Variants in TRAF5 observed in about 807,000 individuals in gnomAD.
TRAF5 encodes TNF receptor associated factor 5.
TRAF5 carries 48 observed loss-of-function variants against 64.5 expected under a neutral mutation model. That is an observed-to-expected ratio of 0.74 (90% CI 0.59 to 0.95). The LOEUF is 0.95. Among genes scored for constraint, TRAF5 ranks in the 40% least tolerant of loss-of-function variants. The probability of loss-of-function intolerance (pLI) is 0.00; values close to 1 mark genes in which losing one functional copy is unlikely to be tolerated. For missense variants in TRAF5, 545 were observed against 662.8 expected (o/e 0.82, Z 1.95); for synonymous variants, 206 against 240.5 (o/e 0.86, Z 1.33).
At chr1:211,346,451 CT>C (rs1225251593) in intron 1 of TRAF5, 10 of 985,036 alleles carry the variant, frequency 1.0e-5, no homozygotes, top group Non-Finnish European at 1.2e-5. Context: ...ACAGAGGTCT[CT>C]GGTCCTGTGC....
At chr1:211,348,012 T>C (rs923710791) in intron 1 of TRAF5, among the ~76,000 whole-genome samples, 3 of 152,218 alleles carry the variant, frequency 2.0e-5, no homozygotes, top group Non-Finnish European at 4.4e-5. Context: ...ACAGCACTGC[T>C]TGGGGCTCCC....
At chr1:211,370,661 A>G (rs1374608537) in intron 9 of TRAF5, among the ~76,000 whole-genome samples, 3 of 152,234 alleles carry the variant, frequency 2.0e-5, no homozygotes, top group African/African-American at 7.2e-5. Flanking sequence ...TTGGGCAGTC[A>G]TCTAACACAA....
intron 1 of TRAF5, among the ~76,000 whole-genome samples, chr1:211,340,354 G>A (rs1049671681): frequency 2.0e-5 from 3 of 152,124 alleles, no homozygotes; most frequent in Admixed American, 6.5e-5. Context: ...GCACAATCCC[G>A]GCTCACTGCA....
At chr1:211,352,441 T>TAA (rs35728825) in intron 1 of TRAF5, among the ~76,000 whole-genome samples, 1,666 of 75,962 alleles carry the variant, frequency 0.022, 25 homozygotes, top group Middle Eastern at 0.037. Flanking sequence ...TCACTGTCTC[T>TAA]AAAAAAAAAA....
chr1:211,354,502 A>C, intron 3 of TRAF5, 35 bp downstream of exon 3: 4 of 1,603,926 alleles, frequency 2.5e-6, no homozygotes, highest in Non-Finnish European at 3.4e-6. Flanking sequence ...AGCAGCTCTC[A>C]GGGTGATGGA....
intron 4 of TRAF5, 179 bp from the exon 5 acceptor site, chr1:211,359,733 C>G: frequency 1.7e-6 from 1 of 600,188 alleles, no homozygotes; most frequent in Non-Finnish European, 2.8e-6. Context: ...TCCCCATGCC[C>G]TCTCCTCAGC....
chr1:211,342,315 A>G (rs1572060990), intron 1 of TRAF5, among the ~76,000 whole-genome samples: 2 of 151,980 alleles, frequency 1.3e-5, no homozygotes, highest in African/African-American at 4.8e-5. Context: ...GTTTTTTGAT[A>G]TATTTTTCTT....
intron 7 of TRAF5, among the ~76,000 whole-genome samples, chr1:211,362,201 TAAA>T (rs1261476052): frequency 2.6e-5 from 4 of 152,162 alleles, no homozygotes; most frequent in Non-Finnish European, 4.4e-5. Context: ...TTACACAAAA[TAAA>T]AATAAAATTT....
chr1:211,345,880 C>T (rs1177116012), intron 1 of TRAF5, among the ~76,000 whole-genome samples: 3 of 152,172 alleles, frequency 2.0e-5, no homozygotes, highest in Non-Finnish European at 4.4e-5. Flanking sequence ...CATCCCAGTG[C>T]CTCTCATTGG....
At chr1:211,343,467 G>A (rs907284337) in intron 1 of TRAF5, among the ~76,000 whole-genome samples, 2 of 152,012 alleles carry the variant, frequency 1.3e-5, no homozygotes, top group African/African-American at 2.4e-5. Context: ...TGTCTCCTAC[G>A]CTGGAGTGCA....
At position 211,372,486 on chromosome 1, in the gene TRAF5, T is replaced by C. The variant is rs1378057806; in HGVS notation, c.1458T>C (p.Leu486=). 2 of 1,614,122 alleles carry C rather than the reference T, an allele frequency of 1.2e-6. No individual in the cohort carries two copies. Among genetic ancestry groups the C allele is most frequent in the Admixed American group, 3.3e-5 (2 of 60,014 alleles). ...TCAGGCAGAGGGTGACCCTGATGCTTCTGGACCAGAGTGGCAAAAAGAACA... is the reference window on the plus strand; with the variant it reads ...TCAGGCAGAGGGTGACCCTGATGCTCCTGGACCAGAGTGGCAAAAAGAACA... ...WPFRQRVTLM[L]LDQSGKKNIM... is the part of the protein sequence containing the mutation. Residue 486 remains leucine, a synonymous_variant, in exon 11 of 11, where the codon CTT becomes CTC. Coordinates refer to ENST00000261464, the MANE Select transcript of TRAF5 (RefSeq NM_001033910.3).
chr1:211,330,066 AGTCTGTTTACAGTGACAGTG>A (rs1702116728), intron 1 of TRAF5, among the ~76,000 whole-genome samples: 1 of 152,238 alleles, frequency 6.6e-6, no homozygotes, highest in Non-Finnish European at 1.5e-5. Flanking sequence ...AGAGGAACTC[AGTCTGTTTACAGTGACAGTG>A]GTGAGCACAT....
chr1:211,349,407 GCATCC>G (rs1702713804), intron 1 of TRAF5, among the ~76,000 whole-genome samples: 1 of 152,210 alleles, frequency 6.6e-6, no homozygotes, highest in South Asian at 2.1e-4. Flanking sequence ...GCTTATTGCT[GCATCC>G]TCCAGAGATG....
chr1:211,362,265 G>A (rs1346253746), intron 7 of TRAF5, among the ~76,000 whole-genome samples: 1 of 152,028 alleles, frequency 6.6e-6, no homozygotes, highest in East Asian at 1.9e-4. Flanking sequence ...AAAGTTTTAG[G>A]CATTAAAATA....
chr1:211,367,590 G>A (rs784374), intron 8 of TRAF5, among the ~76,000 whole-genome samples: 140,289 of 152,218 alleles, frequency 0.92, 65,210 homozygotes, highest in East Asian at 1. Flanking sequence ...GTATCAAGAG[G>A]CCTTCTGAGG....
At chr1:211,335,687 G>C (rs1032317799) in intron 1 of TRAF5, among the ~76,000 whole-genome samples, 1 of 152,166 alleles carries the variant, frequency 6.6e-6, no homozygotes, top group African/African-American at 2.4e-5. Flanking sequence ...GTTTAGCTCA[G>C]CAAGAGGTGG....
intron 5 of TRAF5, 79 bp from the exon 6 acceptor site, chr1:211,360,623 T>G: frequency 8.7e-7 from 1 of 1,151,484 alleles, no homozygotes; most frequent in South Asian, 1.3e-5. Flanking sequence ...TGACATATAA[T>G]CCCCAAAGAG....
Position 211,346,138 on chromosome 1 carries a change from A to G in TRAF5, c.-1-7101A>G, listed in dbSNP as rs532856452. On this transcript the variant is annotated intron_variant, in intron 1 of 10. Transcript: ENST00000261464. ...AAATGCCTCCTCTTTCTTCAAGACC[A>G]GCTGAGATGATTTCTTCTCTGTGAA... Among the ~76,000 whole-genome samples, 19 of 152,318 alleles carry G rather than the reference A, an allele frequency of 1.2e-4. No individual in the cohort carries two copies. In the South Asian group the frequency reaches 3.9e-3, roughly 32 times the overall value.
intron 1 of TRAF5, among the ~76,000 whole-genome samples, chr1:211,344,292 G>A (rs1702527886): frequency 6.6e-6 from 1 of 152,194 alleles, no homozygotes; most frequent in African/African-American, 2.4e-5. Context: ...TGACAACTTG[G>A]AGAGAAGTCA....
Sources: allele counts gnomAD v4.1 joint callset (sites outside exome capture counted in the v4.1 genomes callset), GRCh38; gene constraint gnomAD v4.1.1; transcripts MANE v1.5; gene names NCBI Gene and HGNC (gene_info 2026-07-23, HGNC 2026-07-21).